Variants in DZIP1L observed in about 807,000 individuals in gnomAD.
The protein encoded by DZIP1L is cilium assembly protein DZIP1L.
DZIP1L carries 90 observed loss-of-function variants against 88.7 expected under a neutral mutation model. That is an observed-to-expected ratio of 1.02 (90% confidence interval 0.86 to 1.21). The LOEUF is 1.21. DZIP1L is among the 50% of genes most tolerant of loss of function. The probability of loss-of-function intolerance (pLI) is 0.00; values close to 1 mark genes in which losing one functional copy is unlikely to be tolerated. For synonymous variants in DZIP1L, 363 were observed against 372.1 expected (o/e 0.98, Z 0.28); for missense variants, 932 against 955.8 (o/e 0.98, Z 0.33).
At chr3:138,084,025 C>A in intron 8 of DZIP1L, 88 bp downstream of exon 8, 2 of 1,544,354 alleles carry the variant, frequency 1.3e-6, no homozygotes, top group South Asian at 1.3e-5. Flanking sequence ...AAGACTAGCA[C>A]TGATGAGCCC....
chr3:138,111,011 T>A (rs2042610301), intron 1 of DZIP1L, among the ~76,000 whole-genome samples: 1 of 151,902 alleles, frequency 6.6e-6, no homozygotes, highest in Non-Finnish European at 1.5e-5. Context: ...TGGGAAAGGG[T>A]TCTCTGGGAA....
At chr3:138,087,130 G>A in intron 6 of DZIP1L, 107 bp from the exon 7 acceptor site, 1 of 940,552 alleles carries the variant, frequency 1.1e-6, no homozygotes, top group Admixed American at 2.5e-5. Context: ...AGACAGAGTA[G>A]TGGAATAGAA....
chr3:138,106,991 G>A (rs2042514673), intron 1 of DZIP1L, among the ~76,000 whole-genome samples: 1 of 152,220 alleles, frequency 6.6e-6, no homozygotes, highest in African/African-American at 2.4e-5. Flanking sequence ...CTCACAGGGT[G>A]CTATGAGACT....
rs1332373566 is a variant in DZIP1L, at chr3:138,069,181, T to C, written c.1616-814A>G. The stretch of plus-strand genomic sequence containing the variant: ...CTCTTCAGCCTACTCAACACAAAGA[T>C]AACAAGGATGAAGTCCTTTATGATG... On this transcript the variant is annotated intron_variant, in intron 12 of 15. Transcript: ENST00000327532. 21 of 680,138 alleles carry C rather than the reference T, an allele frequency of 3.1e-5. No individual in the cohort carries two copies. In the East Asian group the frequency reaches 5.9e-4, roughly 19 times the overall value. 42.1% of individuals were successfully genotyped at this position (680,138 alleles called of 1,614,324 possible).
At chr3:138,112,097 A>G (rs145654668) in intron 1 of DZIP1L, among the ~76,000 whole-genome samples, 1 of 152,228 alleles carries the variant, frequency 6.6e-6, no homozygotes, top group African/African-American at 2.4e-5. Flanking sequence ...TCAAACATCT[A>G]TATGTCAGGC....
At chr3:138,070,745 C>T (rs573491012) in intron 12 of DZIP1L, among the ~76,000 whole-genome samples, 18 of 152,208 alleles carry the variant, frequency 1.2e-4, no homozygotes, top group Non-Finnish European at 2.5e-4. Context: ...TTCCTGGACA[C>T]AGGAGATACA....
rs56146259 is a variant in DZIP1L, at chr3:138,106,127, C to CTT, written c.-81-2077_-81-2076dup. 2.0e-3 allele frequency among the ~76,000 whole-genome samples: 126 copies of CTT among 64,544 alleles called. 2 individuals carry two copies. The highest frequency in any genetic ancestry group is 2.9e-3 in the African/African-American group (47 of 16,184). The allele number at this position is 64,544 out of a possible 152,430, so 42.3% of individuals were successfully genotyped here. ...GAGATTACATGATTCAGTCTTCTTT[C>CTT]TTTTTTTTTTTTTTTTTTTTTTTTT... On this transcript the variant is annotated intron_variant, in intron 1 of 15. Transcript: ENST00000327532.
chr3:138,111,393 A>C (rs1399214007), intron 1 of DZIP1L, among the ~76,000 whole-genome samples: 1 of 152,168 alleles, frequency 6.6e-6, no homozygotes, highest in Non-Finnish European at 1.5e-5. Context: ...ATGGGCAAGT[A>C]ATAAGAGCTG....
At chr3:138,086,681 T>TA (rs1943956017) in intron 7 of DZIP1L, among the ~76,000 whole-genome samples, 1 of 152,156 alleles carries the variant, frequency 6.6e-6, no homozygotes, top group South Asian at 2.1e-4. Context: ...CTGGAGGGCC[T>TA]AAAGGGGTCA....
chr3:138,098,499 C>T (rs906385436), intron 2 of DZIP1L, among the ~76,000 whole-genome samples: 11 of 152,214 alleles, frequency 7.2e-5, no homozygotes, highest in African/African-American at 2.7e-4. Flanking sequence ...TCTATCACAT[C>T]GTCTTCTCAC....
rs1020819401 is a variant in DZIP1L at position 138,079,788 on chromosome 3, C to T, written c.1288+779G>A. Reference sequence around the variant, plus strand: ...AACATTACATTAAAAAATAAAATACCCCATGATGAGCTCTTTGATGGCACA... The same window carrying T: ...AACATTACATTAAAAAATAAAATACTCCATGATGAGCTCTTTGATGGCACA... On this transcript the variant is annotated intron_variant, in intron 10 of 15. Transcript: ENST00000327532. Among the ~76,000 whole-genome samples, 8 of 152,042 alleles carry T rather than the reference C, an allele frequency of 5.3e-5. No homozygotes were observed. In the South Asian group the frequency reaches 1.7e-3, roughly 32 times the overall value.
At chr3:138,098,948 C>A (rs1333664038) in intron 2 of DZIP1L, among the ~76,000 whole-genome samples, 1 of 152,060 alleles carries the variant, frequency 6.6e-6, no homozygotes, top group Non-Finnish European at 1.5e-5. Flanking sequence ...GAGTTCGAGA[C>A]CAGCCCGGGC....
intron 11 of DZIP1L, among the ~76,000 whole-genome samples, chr3:138,075,952 G>A (rs995697167): frequency 5.9e-5 from 9 of 152,048 alleles, no homozygotes; most frequent in South Asian, 2.1e-4. Flanking sequence ...AGCGAGATTC[G>A]TCTCAAAAAA....
intron 1 of DZIP1L, among the ~76,000 whole-genome samples, chr3:138,114,750 C>G (rs13068449): frequency 1.3e-5 from 2 of 152,176 alleles, no homozygotes; most frequent in South Asian, 4.1e-4. Context: ...ACCCCCTCCT[C>G]TGCCCTGCCT....
intron 3 of DZIP1L, among the ~76,000 whole-genome samples, chr3:138,097,319 T>C (rs772931598): frequency 9.2e-5 from 14 of 152,168 alleles, no homozygotes; most frequent in Non-Finnish European, 2.1e-4. Flanking sequence ...TAAGCTCAAG[T>C]ATGTAGAAAA....
intron 1 of DZIP1L, among the ~76,000 whole-genome samples, chr3:138,107,784 A>G (rs1160469290): frequency 1.3e-5 from 2 of 152,122 alleles, no homozygotes; most frequent in Non-Finnish European, 2.9e-5. Context: ...AGCCATATTA[A>G]CCACACAGCT....
intron 13 of DZIP1L, 91 bp downstream of exon 13, chr3:138,068,060 T>C (rs1576432881): frequency 8.5e-7 from 1 of 1,179,390 alleles, no homozygotes. Context: ...CCCTCCTATC[T>C]GCAGAAGCCT....
Position 138,071,819 on chromosome 3 carries a change from G to A in DZIP1L, c.1439C>T (p.Ser480Leu), listed in dbSNP as rs747959405. 16 of 1,613,332 alleles carry A rather than the reference G, an allele frequency of 9.9e-6. No homozygotes were observed. The highest frequency in any genetic ancestry group is 3.3e-5 in the Admixed American group (2 of 59,960). ...MGIRKDAKGI[S>L]IQTLRHLESL... is the part of the protein sequence containing the mutation. Reference sequence around the variant, plus strand: ...TTCCAGGTGTCTGAGAGTCTGAATCGAGATTCCCTTTGCATCCTAGAGGAG... The same window carrying A: ...TTCCAGGTGTCTGAGAGTCTGAATCAAGATTCCCTTTGCATCCTAGAGGAG... The change falls in exon 12 of 16, where the codon TCG becomes TTG. Residue 480 changes from serine (S) to leucine (L), a missense_variant. Transcript: ENST00000327532.
intron 2 of DZIP1L, chr3:138,102,158 G>A: frequency 7.3e-7 from 1 of 1,378,558 alleles, no homozygotes. Context: ...CCATGTCCAG[G>A]GAGTGACTGT....
Sources: gnomAD v4.1 joint callset for allele counts (sites outside exome capture counted in the v4.1 genomes callset) on GRCh38, gnomAD v4.1.1 for gene constraint, MANE v1.5 for transcripts, NCBI Gene and HGNC (gene_info 2026-07-23, HGNC 2026-07-21) for gene names.